EYS: variants seen among roughly 807,000 people sequenced by gnomAD.
The protein encoded by EYS is EGF-like photoreceptor maintenance factor.
EYS carries 250 observed loss-of-function variants against 282.1 expected under a neutral mutation model. That is an observed-to-expected ratio of 0.89 (90% CI 0.80 to 0.98). The LOEUF is 0.98. EYS is among the 50% of genes least tolerant of loss of function. The pLI, the probability that EYS is intolerant of heterozygous loss-of-function variation, is 0.00. For missense variants in EYS, 4,016 were observed against 3,709.0 expected (o/e 1.08, Z -2.15); for synonymous variants, 1,355 against 1,282.9 (o/e 1.06, Z -1.20).
chr6:65,223,975 G>A (rs1457150469), intron 12 of EYS, among the ~76,000 whole-genome samples: 1 of 152,062 alleles, frequency 6.6e-6, no homozygotes, highest in African/African-American at 2.4e-5. Flanking sequence ...ACTTGTACAC[G>A]AGTGTCCTGT....
Position 64,629,683 on chromosome 6 carries a change from G to C in EYS, c.3444-3438C>G, listed in dbSNP as rs73437325. Among the ~76,000 whole-genome samples, 584 of 152,208 alleles carry C rather than the reference G, an allele frequency of 3.8e-3. 4 individuals carry two copies. The highest frequency in any genetic ancestry group is 0.013 in the African/African-American group (538 of 41,538). On this transcript the variant is annotated intron_variant, in intron 22 of 42. Transcript: ENST00000503581. ...TGTGTTTCTTCTTTCCGATATTCCA[G>C]TGTTCATTACTAGAAAGCAATTGAC... is the stretch of plus-strand genomic sequence containing the variant.
intron 22 of EYS, among the ~76,000 whole-genome samples, chr6:64,714,267 A>G (rs1047873098): frequency 3.3e-5 from 5 of 152,214 alleles, no homozygotes; most frequent in African/African-American, 9.7e-5. Flanking sequence ...GGGTGATTAT[A>G]TTAATAACCA....
intron 14 of EYS, among the ~76,000 whole-genome samples, chr6:64,955,243 A>T (rs1769657870): frequency 6.6e-6 from 1 of 152,146 alleles, no homozygotes; most frequent in Admixed American, 6.5e-5. Flanking sequence ...GCCAAAAATG[A>T]AATTAAATAC....
intron 30 of EYS, among the ~76,000 whole-genome samples, chr6:64,245,551 A>C (rs577361452): frequency 1.3e-5 from 2 of 152,306 alleles, no homozygotes. Flanking sequence ...TTAAAAAATA[A>C]GCATAACTTT....
intron 13 of EYS, among the ~76,000 whole-genome samples, chr6:65,054,325 G>A (rs1370205115): frequency 6.6e-6 from 1 of 151,858 alleles, no homozygotes; most frequent in Non-Finnish European, 1.5e-5. Context: ...AAGAATTAGG[G>A]ACCTATACTC....
At chr6:64,661,271 A>T (rs141831622) in intron 22 of EYS, among the ~76,000 whole-genome samples, 2,194 of 152,326 alleles carry the variant, frequency 0.014, 48 homozygotes, top group African/African-American at 0.051. Flanking sequence ...TTAGACCTGA[A>T]ACCATAAAAA....
chr6:65,353,370 A>G, intron 9 of EYS, 88 bp downstream of exon 9: 1 of 1,121,228 alleles, frequency 8.9e-7, no homozygotes, highest in South Asian at 1.3e-5. Flanking sequence ...GAGATATAAA[A>G]TACTTTGTGT....
intron 30 of EYS, among the ~76,000 whole-genome samples, chr6:64,237,676 A>C (rs1766657857): frequency 6.6e-6 from 1 of 152,220 alleles, no homozygotes; most frequent in South Asian, 2.1e-4. Flanking sequence ...ACAAATGGAA[A>C]AATGACTTCA....
chr6:65,107,564 A>G, intron 12 of EYS, among the ~76,000 whole-genome samples: 1 of 151,916 alleles, frequency 6.6e-6, no homozygotes, highest in Middle Eastern at 3.4e-3. Flanking sequence ...TTTATAGTAT[A>G]TTATAATGTA....
intron 24 of EYS, among the ~76,000 whole-genome samples, chr6:64,617,030 C>T (rs1767295782): frequency 6.6e-6 from 1 of 152,082 alleles, no homozygotes; most frequent in Non-Finnish European, 1.5e-5. Context: ...ATACAATATG[C>T]TGAGCCCAAC....
intron 26 of EYS, among the ~76,000 whole-genome samples, chr6:64,534,335 T>C (rs1264575828): frequency 6.6e-6 from 1 of 152,042 alleles, no homozygotes; most frequent in African/African-American, 2.4e-5. Context: ...CTTTACCAAA[T>C]TTTCTAAAAT....
chr6:65,665,549 T>C (rs1354032327), intron 1 of EYS, among the ~76,000 whole-genome samples: 1 of 152,130 alleles, frequency 6.6e-6, no homozygotes, highest in East Asian at 1.9e-4. Context: ...GTACTAAATA[T>C]TCAGTCTATG....
At chr6:64,958,870 TGGAAAC>T in intron 14 of EYS, among the ~76,000 whole-genome samples, 2 of 152,054 alleles carry the variant, frequency 1.3e-5, no homozygotes, top group Non-Finnish European at 2.9e-5. Flanking sequence ...AGAGGAATTC[TGGAAAC>T]ATTACAGTTA....
At chr6:64,276,443 CTT>C (rs1171838753) in intron 30 of EYS, among the ~76,000 whole-genome samples, 2 of 152,136 alleles carry the variant, frequency 1.3e-5, no homozygotes, top group Non-Finnish European at 2.9e-5. Flanking sequence ...TGCATAAACA[CTT>C]AATCTAAATC....
At chr6:64,871,558 GA>G (rs1384059364) in intron 19 of EYS, among the ~76,000 whole-genome samples, 1 of 151,902 alleles carries the variant, frequency 6.6e-6, no homozygotes, top group Non-Finnish European at 1.5e-5. Context: ...CTTGCTCTTA[GA>G]GAGGACAACA....
intron 11 of EYS, among the ~76,000 whole-genome samples, chr6:65,297,863 T>C (rs1245226061): frequency 6.6e-6 from 1 of 152,122 alleles, no homozygotes; most frequent in Non-Finnish European, 1.5e-5. Context: ...TGTTGGCCTG[T>C]GCTAGGCCTT....
intron 22 of EYS, among the ~76,000 whole-genome samples, chr6:64,744,174 GT>G (rs1308507054): frequency 6.6e-6 from 1 of 152,110 alleles, no homozygotes; most frequent in Non-Finnish European, 1.5e-5. Context: ...AAACAACACA[GT>G]TTTTAAGCAA....
intron 33 of EYS, among the ~76,000 whole-genome samples, chr6:64,011,126 A>G (rs1768601922): frequency 6.6e-6 from 1 of 152,128 alleles, no homozygotes; most frequent in South Asian, 2.1e-4. Flanking sequence ...GCAAGTATGT[A>G]CTCTTACCTT....
At chr6:64,969,406 G>A (rs1212787056) in intron 14 of EYS, among the ~76,000 whole-genome samples, 2 of 152,160 alleles carry the variant, frequency 1.3e-5, no homozygotes, top group Non-Finnish European at 2.9e-5. Context: ...TAATCAGATG[G>A]CTCTTGCTGG....
Sources: allele counts gnomAD v4.1 joint callset (sites outside exome capture counted in the v4.1 genomes callset), GRCh38; gene constraint gnomAD v4.1.1; transcripts MANE v1.5; gene names NCBI Gene and HGNC (gene_info 2026-07-23, HGNC 2026-07-21).